The following NRXN3 variants were observed in gnomAD, a reference collection of about 807,000 sequenced individuals.
NRXN3 encodes neurexin 3.
Under a neutral mutation model 137.6 loss-of-function variants are expected in NRXN3, and 32 were observed. The ratio of observed to expected loss-of-function variants is 0.23; its 90% CI spans 0.18 to 0.31. The LOEUF (loss-of-function observed/expected upper bound fraction) is 0.31, where lower values mean the gene tolerates loss of function less well. Ranked by LOEUF, NRXN3 falls within the 10% of genes least tolerant of loss-of-function variation. The probability of loss-of-function intolerance (pLI) is 1.00; values close to 1 mark genes in which losing one functional copy is unlikely to be tolerated. For missense variants in NRXN3, 1,574 were observed against 2,062.5 expected, an observed-to-expected ratio of 0.76 and a Z score of 4.59; for synonymous variants, 798 against 784.5, an observed-to-expected ratio of 1.02 and a Z score of -0.29.
intron 15 of NRXN3, among the ~76,000 whole-genome samples, chr14:79,096,152 G>A (rs1306809794): frequency 3.3e-5 from 5 of 150,812 alleles, no homozygotes; most frequent in Middle Eastern, 3.4e-3. Context: ...CTGTCACCCA[G>A]GCTGGAGTGC....
intron 15 of NRXN3, among the ~76,000 whole-genome samples, chr14:79,374,536 T>C (rs1036128502): frequency 6.6e-6 from 1 of 152,046 alleles, no homozygotes; most frequent in Admixed American, 6.6e-5. Flanking sequence ...TAATCCTGCA[T>C]AATGTGGCTT....
intron 19 of NRXN3, among the ~76,000 whole-genome samples, chr14:79,770,406 G>C (rs545544145): frequency 0.034 from 4,874 of 142,978 alleles, 101 homozygotes; most frequent in South Asian, 0.06. Context: ...TAAAAGAACA[G>C]AAATTATAAC....
intron 10 of NRXN3, among the ~76,000 whole-genome samples, chr14:78,936,587 G>A (rs2099339863): frequency 1.3e-5 from 2 of 152,260 alleles, no homozygotes; most frequent in African/African-American, 2.4e-5. Flanking sequence ...TGTATATGTT[G>A]CTTATCTTGA....
At chr14:78,652,703 C>T (rs757682411) in intron 6 of NRXN3, among the ~76,000 whole-genome samples, 2 of 152,216 alleles carry the variant, frequency 1.3e-5, no homozygotes, top group Non-Finnish European at 2.9e-5. Flanking sequence ...CCCTGTGAGC[C>T]TTGTCCAGGC....
At chr14:78,228,827 G>A (rs2065014641) in intron 1 of NRXN3, among the ~76,000 whole-genome samples, 1 of 152,094 alleles carries the variant, frequency 6.6e-6, no homozygotes, top group Non-Finnish European at 1.5e-5. Flanking sequence ...GGGAATCTAG[G>A]GCAAACAATG....
intron 10 of NRXN3, among the ~76,000 whole-genome samples, chr14:78,837,409 T>C (rs17108301): frequency 0.064 from 9,687 of 152,062 alleles, 466 homozygotes; most frequent in South Asian, 0.19. Context: ...GCCTGGTGAG[T>C]GATCCTGGAA....
At chr14:79,805,066 TTC>T in intron 19 of NRXN3, 44 bp from the exon 20 acceptor site, 1 of 1,342,738 alleles carries the variant, frequency 7.4e-7, no homozygotes, top group Non-Finnish European at 1.1e-6. Flanking sequence ...TCTCTCTCTC[TTC>T]TCTCTCTTCC....
At chr14:78,456,924 T>TCTCCCTCCCTTC (rs2094750863) in intron 4 of NRXN3, among the ~76,000 whole-genome samples, 1 of 147,880 alleles carries the variant, frequency 6.8e-6, no homozygotes, top group Non-Finnish European at 1.5e-5. Flanking sequence ...TTCCTTCCTC[T>TCTCCCTCCCTTC]CTCCCTCCCT....
intron 4 of NRXN3, among the ~76,000 whole-genome samples, chr14:78,604,793 C>T (rs1271818155): frequency 6.6e-6 from 1 of 152,124 alleles, no homozygotes; most frequent in Non-Finnish European, 1.5e-5. Context: ...CTAGGCTGTT[C>T]AACCTTAGAA....
intron 16 of NRXN3, among the ~76,000 whole-genome samples, chr14:79,634,871 C>T (rs558501949): frequency 1.3e-5 from 2 of 152,180 alleles, no homozygotes; most frequent in African/African-American, 2.4e-5. Context: ...CTCTGTAATT[C>T]TAAGATCGAC....
chr14:78,212,278 G>C (rs1408243145), intron 1 of NRXN3, among the ~76,000 whole-genome samples: 2 of 152,178 alleles, frequency 1.3e-5, no homozygotes, highest in Non-Finnish European at 2.9e-5. Context: ...ACTTAAGCCT[G>C]AGATGATGAA....
At chr14:78,311,403 G>A (rs2077964721) in intron 4 of NRXN3, among the ~76,000 whole-genome samples, 1 of 152,170 alleles carries the variant, frequency 6.6e-6, no homozygotes, top group African/African-American at 2.4e-5. Flanking sequence ...ATTGCAAGAG[G>A]GAATCATTAG....
chr14:79,595,133 C>T (rs895310179), intron 16 of NRXN3, among the ~76,000 whole-genome samples: 1 of 152,154 alleles, frequency 6.6e-6, no homozygotes, highest in South Asian at 2.1e-4. Flanking sequence ...TGGTGGCCAA[C>T]AGGTCTTCCA....
At chr14:78,297,207 G>C (rs541574855) in intron 3 of NRXN3, among the ~76,000 whole-genome samples, 1 of 152,294 alleles carries the variant, frequency 6.6e-6, no homozygotes, top group African/African-American at 2.4e-5. Flanking sequence ...CCTGGGCTAA[G>C]ATGACAGTGA....
intron 15 of NRXN3, among the ~76,000 whole-genome samples, chr14:79,011,860 A>T (rs1225201510): frequency 6.6e-6 from 1 of 152,222 alleles, no homozygotes; most frequent in African/African-American, 2.4e-5. Flanking sequence ...TGTTTTAAAC[A>T]TGTTTACATC....
In NRXN3 at chr14:78,192,363, G is replaced by A. The variant is rs80022271; in HGVS notation, c.-704+21689G>A. On this transcript the variant is annotated intron_variant, in intron 1 of 20. Transcript: ENST00000335750. ...CAGGTAGTGGTACAGGGCTTGGGGTGGGGTGCTTATTTATGCTTTAGCTGG... is the reference window on the plus strand; with the variant it reads ...CAGGTAGTGGTACAGGGCTTGGGGTAGGGTGCTTATTTATGCTTTAGCTGG... Among the ~76,000 whole-genome samples, 211 of 152,184 alleles carry A rather than the reference G, an allele frequency of 1.4e-3. 1 individual carries two copies. Among genetic ancestry groups the A allele is most frequent in the African/African-American group, 4.7e-3 (196 of 41,522 alleles).
chr14:78,725,766 A>G (rs2098480101), intron 8 of NRXN3, among the ~76,000 whole-genome samples: 1 of 152,248 alleles, frequency 6.6e-6, no homozygotes, highest in African/African-American at 2.4e-5. Flanking sequence ...AGTCTAACTC[A>G]ATATCTGATG....
chr14:79,205,905 G>A (rs998485482), intron 15 of NRXN3, among the ~76,000 whole-genome samples: 2 of 151,970 alleles, frequency 1.3e-5, no homozygotes, highest in African/African-American at 2.4e-5. Context: ...AATCATTTAG[G>A]CTCTCCCTGA....
At chr14:78,423,964 G>GACCCT in intron 4 of NRXN3, among the ~76,000 whole-genome samples, 1 of 152,226 alleles carries the variant, frequency 6.6e-6, no homozygotes, top group East Asian at 1.9e-4. Context: ...GCTAGGGTCA[G>GACCCT]AGCATCTTAA....
Sources: allele counts gnomAD v4.1 joint callset (sites outside exome capture counted in the v4.1 genomes callset), GRCh38; gene constraint gnomAD v4.1.1; transcripts MANE v1.5; gene names NCBI Gene and HGNC (gene_info 2026-07-23, HGNC 2026-07-21).